The following ITPK1 variants were observed in gnomAD, a reference collection of about 807,000 sequenced individuals.
ITPK1 encodes the protein inositol 1,3,4-trisphosphate 5/6-kinase.
In ITPK1, 21 loss-of-function variants were observed where a neutral mutation model predicts 45.3. The observed-to-expected ratio is 0.46, with a 90% CI of 0.33 to 0.67. The LOEUF (loss-of-function observed/expected upper bound fraction) is 0.67, where lower values mean the gene tolerates loss of function less well. ITPK1 is among the 30% of genes least tolerant of loss of function. ITPK1 has a pLI of 0.02. For synonymous variants in ITPK1, 258 were observed against 253.6 expected (o/e 1.02, Z -0.16); for missense variants, 474 against 573.5 (o/e 0.83, Z 1.77).
intron 3 of ITPK1, chr14:93,066,407 CTTTT>C (rs751357627): frequency 1.8e-3 from 514 of 292,190 alleles, no homozygotes; most frequent in East Asian, 2.8e-3. Context: ...TTTAGCAATT[CTTTT>C]TTTTTTTTTT....
At chr14:93,002,742 C>T (rs1310146791) in intron 4 of ITPK1, among the ~76,000 whole-genome samples, 1 of 152,160 alleles carries the variant, frequency 6.6e-6, no homozygotes, top group African/African-American at 2.4e-5. Context: ...CTAGCAAAAC[C>T]CAGATGGACC....
intron 9 of ITPK1, among the ~76,000 whole-genome samples, chr14:92,946,871 CA>C (rs1887716276): frequency 6.6e-6 from 1 of 152,230 alleles, no homozygotes; most frequent in African/African-American, 2.4e-5. Flanking sequence ...AGCCTTTTAA[CA>C]GGGAGGAAGG....
chr14:93,031,801 GT>G (rs966640297), intron 3 of ITPK1, among the ~76,000 whole-genome samples: 1 of 152,174 alleles, frequency 6.6e-6, no homozygotes, highest in African/African-American at 2.4e-5. Context: ...ATATTTCAAT[GT>G]TTGCTTTATC....
intron 5 of ITPK1, among the ~76,000 whole-genome samples, chr14:92,986,192 G>C (rs1397734173): frequency 6.6e-6 from 1 of 152,222 alleles, no homozygotes; most frequent in Non-Finnish European, 1.5e-5. Flanking sequence ...CAGAACTCAA[G>C]ATCTCTTTCA....
chr14:93,084,741 C>G (rs1222242338), intron 2 of ITPK1, among the ~76,000 whole-genome samples: 8 of 152,160 alleles, frequency 5.3e-5, no homozygotes, highest in Non-Finnish European at 1.2e-4. Flanking sequence ...GCAGCAGCAG[C>G]CTCTCAAACC....
intron 3 of ITPK1, among the ~76,000 whole-genome samples, chr14:93,056,421 G>A (rs556923014): frequency 5.8e-4 from 89 of 152,330 alleles, no homozygotes; most frequent in Admixed American, 1.9e-3. Flanking sequence ...TGGGGGCAAG[G>A]GAGTCTGCAT....
rs560058152 is a variant in ITPK1, at chr14:93,025,058, CT to C, written c.121-8258del. Among the ~76,000 whole-genome samples, 4 of 152,320 alleles carry C rather than the reference CT, an allele frequency of 2.6e-5. No individual in the cohort carries two copies. In the East Asian group the frequency reaches 7.7e-4, roughly 29 times the overall value. Reference sequence around the variant, plus strand: ...AGGAGAACAGGACAATTCTGAAATCCTAGCTGGCAGGCCTCAAGTTTTCAAC... The same window carrying C: ...AGGAGAACAGGACAATTCTGAAATCCAGCTGGCAGGCCTCAAGTTTTCAAC... On this transcript the variant is annotated intron_variant, in intron 3 of 10. Coordinates refer to ENST00000267615, the MANE Select transcript of ITPK1 (RefSeq NM_014216.6).
chr14:93,032,498 T>G lies in ITPK1; in HGVS notation c.121-15697A>C, dbSNP rs1239700968. ...CTTTCCTGCAGGACTTCTCAGATAC[T>G]TTAATATGTTCACTTGCACAGAGAT... On this transcript the variant is annotated intron_variant, in intron 3 of 10. Coordinates refer to ENST00000267615, the MANE Select transcript of ITPK1 (RefSeq NM_014216.6). This position sits in a 1 kb window ranked among gnomAD's most constrained non-coding sequence, Gnocchi z 4.0. Among the ~76,000 whole-genome samples the G allele has an allele frequency of 1.3e-5, 2 of 152,192 alleles. No homozygotes were observed. Among genetic ancestry groups the G allele is most frequent in the Non-Finnish European group, 2.9e-5 (2 of 68,042 alleles).
At chr14:93,003,784 C>T (rs1887474189) in intron 4 of ITPK1, among the ~76,000 whole-genome samples, 2 of 152,196 alleles carry the variant, frequency 1.3e-5, no homozygotes, top group Admixed American at 6.5e-5. Context: ...AACCCGAGCG[C>T]GTGGGTCCTG....
Position 93,031,685 on chromosome 14 carries a change from T to A in ITPK1, c.121-14884A>T, listed in dbSNP as rs566110886. 3.9e-5 allele frequency among the ~76,000 whole-genome samples: 6 copies of A among 152,260 alleles called. No homozygotes were observed. The East Asian group carries it at 1.2e-3, about 29-fold the overall frequency. On this transcript the variant is annotated intron_variant, in intron 3 of 10. Transcript: ENST00000267615. ...GCTCCAAGAGGTGGTGGTAAGAGAA[T>A]AAGTGCCCATCCCCAAGTGGGATTC...
At chr14:92,967,540 G>A (rs1468210688) in intron 5 of ITPK1, among the ~76,000 whole-genome samples, 1 of 152,178 alleles carries the variant, frequency 6.6e-6, no homozygotes, top group Non-Finnish European at 1.5e-5. Flanking sequence ...GTGACCATAT[G>A]ATCCAGCAAT....
chr14:93,037,683 G>T (rs1231488149), intron 3 of ITPK1, among the ~76,000 whole-genome samples: 1 of 152,212 alleles, frequency 6.6e-6, no homozygotes, highest in Non-Finnish European at 1.5e-5. Context: ...GAAGACAGAA[G>T]AGTGCCACCT....
chr14:93,101,817 A>G (rs941082215), intron 2 of ITPK1, among the ~76,000 whole-genome samples: 7 of 152,172 alleles, frequency 4.6e-5, no homozygotes, highest in African/African-American at 1.4e-4. Context: ...GGCACTGTGC[A>G]AACTGATGTT....
At chr14:92,946,280 G>A (rs374631207) in intron 10 of ITPK1, 51 bp downstream of exon 10, 6 of 1,603,072 alleles carry the variant, frequency 3.7e-6, no homozygotes, top group African/African-American at 1.3e-5. Flanking sequence ...CTGGTCACCT[G>A]AGGACAGTCT....
rs1380724493 is a variant in ITPK1 at position 93,063,351 on chromosome 14, T to G, written c.120+13244A>C. Among the ~76,000 whole-genome samples the G allele has an allele frequency of 1.3e-5, 2 of 151,998 alleles. No individual in the cohort carries two copies. The highest frequency in any genetic ancestry group is 2.9e-5 in the Non-Finnish European group (2 of 67,994). ...CAGAGACCCACAGTGGAGGCCAAAC[T>G]CCTGCCCAGTGAGACAGGGGTGTGA... On this transcript the variant is annotated intron_variant, in intron 3 of 10. Transcript: ENST00000267615. This position sits in a 1 kb window ranked among gnomAD's most constrained non-coding sequence, Gnocchi z 4.3.
At chr14:92,991,671 C>T (rs1886795496) in intron 5 of ITPK1, among the ~76,000 whole-genome samples, 1 of 152,120 alleles carries the variant, frequency 6.6e-6, no homozygotes, top group Non-Finnish European at 1.5e-5. Context: ...CCTCCTGGGC[C>T]TTCCTCTCAC....
intron 3 of ITPK1, chr14:93,066,202 C>G (rs948057550): frequency 4.4e-6 from 2 of 455,164 alleles, no homozygotes; most frequent in East Asian, 1.4e-4. Flanking sequence ...ACACAGCGCA[C>G]ATCAGGGCCA....
At chr14:93,035,261 C>T (rs1002989224) in intron 3 of ITPK1, among the ~76,000 whole-genome samples, 6 of 152,230 alleles carry the variant, frequency 3.9e-5, no homozygotes, top group Non-Finnish European at 5.9e-5. Context: ...CAAGGGCAGA[C>T]ATGGTTGGCA....
intron 8 of ITPK1, among the ~76,000 whole-genome samples, chr14:92,952,633 G>C (rs1273524527): frequency 6.6e-6 from 1 of 152,224 alleles, no homozygotes; most frequent in Non-Finnish European, 1.5e-5. Flanking sequence ...AGCTGGCACA[G>C]AGAGTCTGAA....
Sources: allele counts gnomAD v4.1 joint callset (sites outside exome capture counted in the v4.1 genomes callset), GRCh38; gene constraint gnomAD v4.1.1; non-coding constraint Gnocchi (gnomAD v3.1); transcripts MANE v1.5; gene names NCBI Gene and HGNC (gene_info 2026-07-23, HGNC 2026-07-21).